NCOA2: variants seen among roughly 807,000 people sequenced by gnomAD.
The protein encoded by NCOA2 is nuclear receptor coactivator 2, also known as class E basic helix-loop-helix protein 75.
A neutral mutation model predicts 145.1 loss-of-function variants in NCOA2; 21 were observed. The observed-to-expected ratio is 0.14, with a 90% CI of 0.10 to 0.21. The LOEUF (loss-of-function observed/expected upper bound fraction) is 0.21. Among genes scored for constraint, NCOA2 ranks in the 10% least tolerant of loss-of-function variants. The pLI is 1.00. For missense variants in NCOA2, 1,472 were observed against 1,837.6 expected (o/e 0.80, Z 3.64); for synonymous variants, 619 against 637.5 (o/e 0.97, Z 0.44).
chr8:70,412,071 T>C, the NCOA2 span, among the ~76,000 whole-genome samples: 5 of 152,190 alleles, frequency 3.3e-5, no homozygotes, highest in Admixed American at 3.3e-4. Flanking sequence ...AAGACAGGGA[T>C]TATATTTTAG....
At chr8:70,280,933 T>G (rs1251911105) in intron 2 of NCOA2, among the ~76,000 whole-genome samples, 1 of 151,822 alleles carries the variant, frequency 6.6e-6, no homozygotes, top group Non-Finnish European at 1.5e-5. Flanking sequence ...GTGGAGAGCA[T>G]GTCACACGAG....
chr8:70,198,521 A>C (rs1817575782), intron 4 of NCOA2, among the ~76,000 whole-genome samples: 1 of 152,238 alleles, frequency 6.6e-6, no homozygotes, highest in South Asian at 2.1e-4. Flanking sequence ...ATGTATTTTT[A>C]GAAAGTTAAT....
intron 4 of NCOA2, among the ~76,000 whole-genome samples, chr8:70,190,890 A>G (rs1454621705): frequency 6.6e-6 from 1 of 152,218 alleles, no homozygotes; most frequent in African/African-American, 2.4e-5. Flanking sequence ...ACTTCAAATG[A>G]CTACATTATA....
chr8:70,282,984 A>G (rs1413124575), intron 2 of NCOA2, among the ~76,000 whole-genome samples: 1 of 152,236 alleles, frequency 6.6e-6, no homozygotes, highest in African/African-American at 2.4e-5. Context: ...TTTTCATTTT[A>G]GTAAACATCC....
intron 3 of NCOA2, among the ~76,000 whole-genome samples, chr8:70,215,679 T>C (rs1819545204): frequency 6.6e-6 from 1 of 152,224 alleles, no homozygotes; most frequent in Admixed American, 6.5e-5. Flanking sequence ...GTGTTGTTTT[T>C]ATTTAATTCT....
At chr8:70,127,691 A>G (rs1185922950) in intron 18 of NCOA2, among the ~76,000 whole-genome samples, 1 of 152,218 alleles carries the variant, frequency 6.6e-6, no homozygotes, top group African/African-American at 2.4e-5. Context: ...TTGCCTACTC[A>G]GTAAAATTTA....
chr8:70,197,452 T>C (rs964920687), intron 4 of NCOA2, among the ~76,000 whole-genome samples: 1 of 152,200 alleles, frequency 6.6e-6, no homozygotes, highest in Non-Finnish European at 1.5e-5. Flanking sequence ...GGACATATGC[T>C]GAGGAGCAGC....
the NCOA2 span, among the ~76,000 whole-genome samples, chr8:70,437,075 T>G: frequency 2.0e-4 from 31 of 152,250 alleles, no homozygotes; most frequent in Non-Finnish European, 1.2e-4. Flanking sequence ...GTTCCTGTCC[T>G]TTCTCTGGTC....
At chr8:70,152,128 C>T (rs1002064518) in intron 11 of NCOA2, among the ~76,000 whole-genome samples, 7 of 152,210 alleles carry the variant, frequency 4.6e-5, no homozygotes, top group African/African-American at 1.7e-4. Flanking sequence ...TATTTGAATG[C>T]TCAAATTAGC....
chr8:70,185,606 T>C (rs769167871), intron 4 of NCOA2, among the ~76,000 whole-genome samples: 2 of 152,042 alleles, frequency 1.3e-5, no homozygotes, highest in Non-Finnish European at 2.9e-5. Context: ...GACAGGGTCA[T>C]GGGGCACGTG....
chr8:70,384,874 C>T (rs1229315866), intron 1 of NCOA2, among the ~76,000 whole-genome samples: 1 of 152,174 alleles, frequency 6.6e-6, no homozygotes, highest in Non-Finnish European at 1.5e-5. Flanking sequence ...TCCCCACTCC[C>T]ATCCATTGAG....
chr8:70,429,053 C>T, the NCOA2 span, among the ~76,000 whole-genome samples: 2 of 152,246 alleles, frequency 1.3e-5, no homozygotes, highest in African/African-American at 4.8e-5. Context: ...TTTCAAAATA[C>T]CAATTTTTCA....
At chr8:70,118,983 T>C (rs1807463397) in intron 22 of NCOA2, among the ~76,000 whole-genome samples, 1 of 152,158 alleles carries the variant, frequency 6.6e-6, no homozygotes, top group Non-Finnish European at 1.5e-5. Flanking sequence ...CCACTGCACC[T>C]GGCCAGGAGA....
chr8:70,447,323 A>C, the NCOA2 span, among the ~76,000 whole-genome samples: 5,274 of 152,264 alleles, frequency 0.035, 305 homozygotes, highest in African/African-American at 0.12. Flanking sequence ...AAAAGCACAT[A>C]GGAGACAGTT....
chr8:70,178,173 C>T (rs1175067114), intron 4 of NCOA2, among the ~76,000 whole-genome samples: 1 of 152,176 alleles, frequency 6.6e-6, no homozygotes, highest in Non-Finnish European at 1.5e-5. Flanking sequence ...GCAATGTGCT[C>T]AGGCAAAGAA....
At chr8:70,336,668 G>C (rs77335534) in intron 1 of NCOA2, among the ~76,000 whole-genome samples, 1 of 151,902 alleles carries the variant, frequency 6.6e-6, no homozygotes, top group Non-Finnish European at 1.5e-5. Flanking sequence ...ACCAGATCTC[G>C]TAAGAACTCA....
rs761581188 is a variant in NCOA2, at chr8:70,165,981, G to A, written c.730+585C>T. Among the ~76,000 whole-genome samples the A allele has an allele frequency of 4.6e-5, 7 of 151,996 alleles. No individual in the cohort carries two copies. In the South Asian group the frequency reaches 1.2e-3, roughly 27 times the overall value. ...ACTACAGGCACATGCCAGCCACCAC[G>A]CCCGGCTACTTTTTGTACTTTTAGT... On this transcript the variant is annotated intron_variant, in intron 7 of 22. Coordinates refer to ENST00000452400, the MANE Select transcript of NCOA2 (RefSeq NM_006540.4).
At chr8:70,297,843 A>G (rs1038057821) in intron 1 of NCOA2, among the ~76,000 whole-genome samples, 7 of 152,234 alleles carry the variant, frequency 4.6e-5, no homozygotes, top group African/African-American at 1.2e-4. Context: ...TGCACCAATT[A>G]AGTTTGTTCC....
intron 1 of NCOA2, among the ~76,000 whole-genome samples, chr8:70,330,529 C>A (rs1466082840): frequency 2.0e-5 from 3 of 151,098 alleles, no homozygotes; most frequent in Non-Finnish European, 4.4e-5. Context: ...TCCAATCATG[C>A]CACTGCACTC....
Sources: gnomAD v4.1 joint callset for allele counts (sites outside exome capture counted in the v4.1 genomes callset) on GRCh38, gnomAD v4.1.1 for gene constraint, MANE v1.5 for transcripts, NCBI Gene and HGNC (gene_info 2026-07-23, HGNC 2026-07-21) for gene names.